Variants in ADARB2 observed in about 807,000 individuals in gnomAD.
The protein encoded by ADARB2 is adenosine deaminase RNA specific B2 (inactive), also known as inactive double-stranded RNA-specific editase B2.
ADARB2 carries 25 observed loss-of-function variants against 62.2 expected under a neutral mutation model. The ratio of observed to expected loss-of-function variants is 0.40; its 90% CI spans 0.29 to 0.56. The LOEUF is 0.56. ADARB2 is among the 20% of genes least tolerant of loss of function. ADARB2 has a pLI of 0.43. For synonymous variants in ADARB2, 572 were observed against 500.8 expected, an observed-to-expected ratio of 1.14 and a Z score of -1.90; for missense variants, 1,071 against 1,077.4, an observed-to-expected ratio of 0.99 and a Z score of 0.08.
chr10:1,417,992 CT>C lies in ADARB2; in HGVS notation c.101-38833del, dbSNP rs1327996533. 2.0e-5 allele frequency among the ~76,000 whole-genome samples: 3 copies of C among 152,324 alleles called. No homozygotes were observed. The East Asian group carries it at 5.8e-4, about 29-fold the overall frequency. On this transcript the variant is annotated intron_variant, in intron 1 of 9. Coordinates refer to ENST00000381312, the MANE Select transcript of ADARB2 (RefSeq NM_018702.4). ...TTTAGAAGTTTTAAAGAATAAGCCC[CT>C]TGCAGTACATTTAAAAGCCGATGAA... is the stretch of plus-strand genomic sequence containing the variant.
At position 1,326,782 on chromosome 10, in the gene ADARB2, TCACTGCCCAGCGCCTCCC is replaced by T. The variant is rs796414976; in HGVS notation, c.1077+36228_1077+36245del. ...GCGCCTCTGGTAGCACAGCCCCTCC[TCACTGCCCAGCGCCTCCC>T]CACGGCCCAGCGCCTCCCCACGGCC... is the stretch of plus-strand genomic sequence containing the variant. On this transcript the variant is annotated intron_variant, in intron 3 of 9. Transcript: ENST00000381312. Among the ~76,000 whole-genome samples the T allele has an allele frequency of 4.8e-4, 25 of 51,780 alleles. 2 individuals are homozygous for T. The highest frequency in any genetic ancestry group is 4.5e-3 in the South Asian group (6 of 1,326). 34.0% of individuals were successfully genotyped at this position (51,780 alleles called of 152,430 possible).
intron 1 of ADARB2, among the ~76,000 whole-genome samples, chr10:1,532,621 T>A (rs927265051): frequency 6.6e-6 from 1 of 152,128 alleles, no homozygotes; most frequent in African/African-American, 2.4e-5. Flanking sequence ...TGGGCAGCTG[T>A]CCACTGCGTG....
chr10:1,660,402 T>C (rs775778538), intron 1 of ADARB2, among the ~76,000 whole-genome samples: 11 of 152,314 alleles, frequency 7.2e-5, no homozygotes, highest in Non-Finnish European at 1.5e-4. Context: ...GGTCCCACCT[T>C]TGGGAAGTTT....
chr10:1,478,034 C>T (rs1447598365), intron 1 of ADARB2, among the ~76,000 whole-genome samples: 2 of 152,170 alleles, frequency 1.3e-5, no homozygotes, highest in Admixed American at 1.3e-4. Flanking sequence ...CCGACTGCAG[C>T]AAACCTCCCC....
At chr10:1,243,470 G>A (rs1830947162) in intron 4 of ADARB2, among the ~76,000 whole-genome samples, 1 of 152,104 alleles carries the variant, frequency 6.6e-6, no homozygotes, top group Non-Finnish European at 1.5e-5. Context: ...AAACAGTGCT[G>A]GCTGGTCATG....
rs1424941438 is a variant in ADARB2, at chr10:1,540,738, G to A, written c.101-161578C>T. Among the ~76,000 whole-genome samples the A allele has an allele frequency of 4.3e-5, 3 of 69,036 alleles. 1 individual carries two copies. The highest frequency in any genetic ancestry group is 3.1e-5 in the Non-Finnish European group (1 of 32,214). 45.3% of individuals were successfully genotyped at this position (69,036 alleles called of 152,430 possible). A position where few individuals can be genotyped will look rare whatever the true frequency, so the allele number is the denominator to read the frequency against. On this transcript the variant is annotated intron_variant, in intron 1 of 9. Transcript: ENST00000381312. Reference sequence around the variant, plus strand: ...GGATCCGTCCAGATCCCACTCAGACGTAGTTCAGACCCTGGATCACAGCCA... The same window carrying A: ...GGATCCGTCCAGATCCCACTCAGACATAGTTCAGACCCTGGATCACAGCCA...
At chr10:1,266,635 C>T (rs149490304) in intron 4 of ADARB2, among the ~76,000 whole-genome samples, 8 of 152,324 alleles carry the variant, frequency 5.3e-5, no homozygotes, top group South Asian at 2.1e-4. Flanking sequence ...CCGCAGAAGA[C>T]ACCAGGCCAA....
chr10:1,359,472 TTTTAATC>T (rs1832229192), intron 3 of ADARB2, among the ~76,000 whole-genome samples: 1 of 152,208 alleles, frequency 6.6e-6, no homozygotes, highest in Non-Finnish European at 1.5e-5. Context: ...ACACCTGTGA[TTTTAATC>T]TTTATGAAAA....
intron 1 of ADARB2, among the ~76,000 whole-genome samples, chr10:1,461,203 C>T (rs1305660841): frequency 6.6e-6 from 1 of 152,194 alleles, no homozygotes; most frequent in African/African-American, 2.4e-5. Flanking sequence ...TCAATGACAT[C>T]ATGACAAACG....
At chr10:1,433,212 C>T (rs1830794997) in intron 1 of ADARB2, among the ~76,000 whole-genome samples, 1 of 152,116 alleles carries the variant, frequency 6.6e-6, no homozygotes, top group Admixed American at 6.5e-5. Context: ...ATAGCCAGGA[C>T]CACAGCATTC....
chr10:1,686,845 C>T (rs987583075), intron 1 of ADARB2, among the ~76,000 whole-genome samples: 1 of 152,152 alleles, frequency 6.6e-6, no homozygotes, highest in African/African-American at 2.4e-5. Context: ...ATGATCATTC[C>T]AAACAATAAA....
intron 3 of ADARB2, among the ~76,000 whole-genome samples, chr10:1,351,398 G>A (rs11528603): frequency 0.85 from 128,291 of 150,506 alleles, 56,735 homozygotes; most frequent in Non-Finnish European, 0.97. Flanking sequence ...AGGTATTGAC[G>A]GCCAGGCTTC....
intron 3 of ADARB2, among the ~76,000 whole-genome samples, chr10:1,316,994 G>A (rs111728658): frequency 2.3e-4 from 35 of 152,314 alleles, no homozygotes; most frequent in African/African-American, 8.2e-4. Flanking sequence ...CTAAGATCTG[G>A]TCCATTTCCT....
rs75099681 is a variant in ADARB2 at position 1,642,517 on chromosome 10, A to T, written c.100+94534T>A. 2.2e-4 allele frequency among the ~76,000 whole-genome samples: 34 copies of T among 152,366 alleles called. No homozygotes were observed. In the East Asian group the frequency reaches 5.8e-3, roughly 26 times the overall value. ...TCCCAGTTGTTATGGCTCAAATAAC[A>T]TATTATAGCCAATCAGATCATTTGA... On this transcript the variant is annotated intron_variant, in intron 1 of 9. Transcript: ENST00000381312.
At chr10:1,362,346 G>A (rs551853514) in intron 3 of ADARB2, among the ~76,000 whole-genome samples, 2 of 152,204 alleles carry the variant, frequency 1.3e-5, no homozygotes, top group African/African-American at 4.8e-5. Flanking sequence ...TTGTTGCTTC[G>A]TTCTTTCCTT....
chr10:1,591,673 A>ACACACACG (rs1012893426), intron 1 of ADARB2, among the ~76,000 whole-genome samples: 1 of 151,582 alleles, frequency 6.6e-6, no homozygotes, highest in Non-Finnish European at 1.5e-5. Context: ...ACACACACAC[A>ACACACACG]CACACGCACA....
At chr10:1,377,710 C>G (rs1477225286) in intron 2 of ADARB2, among the ~76,000 whole-genome samples, 1 of 152,076 alleles carries the variant, frequency 6.6e-6, no homozygotes, top group Non-Finnish European at 1.5e-5. Context: ...AGAGGGAGCA[C>G]AGAGTCTGGG....
intron 3 of ADARB2, among the ~76,000 whole-genome samples, chr10:1,335,800 T>G (rs959914443): frequency 6.6e-6 from 1 of 152,176 alleles, no homozygotes; most frequent in African/African-American, 2.4e-5. Flanking sequence ...GATTACCTCA[T>G]TGTTTCTGCA....
At chr10:1,544,421 C>G in intron 1 of ADARB2, among the ~76,000 whole-genome samples, 1 of 152,218 alleles carries the variant, frequency 6.6e-6, no homozygotes, top group Non-Finnish European at 1.5e-5. Flanking sequence ...TTCTCAGGAG[C>G]AGGCTTGGGG....
Sources: gnomAD v4.1 joint callset for allele counts (sites outside exome capture counted in the v4.1 genomes callset) on GRCh38, gnomAD v4.1.1 for gene constraint, MANE v1.5 for transcripts, NCBI Gene and HGNC (gene_info 2026-07-23, HGNC 2026-07-21) for gene names.